TMEM248: variants seen among roughly 807,000 people sequenced by gnomAD.
The protein encoded by TMEM248 is UPF0458 protein C7orf42.
TMEM248 carries 9 observed loss-of-function variants against 30.3 expected under a neutral mutation model. The ratio of observed to expected loss-of-function variants is 0.30; its 90% CI spans 0.18 to 0.52. TMEM248 has a LOEUF of 0.52. Among genes scored for constraint, TMEM248 ranks in the 20% least tolerant of loss-of-function variants. TMEM248 has a pLI of 0.97. For missense variants in TMEM248, 338 were observed against 403.3 expected, an observed-to-expected ratio of 0.84 and a Z score of 1.39; for synonymous variants, 184 against 154.4, an observed-to-expected ratio of 1.19 and a Z score of -1.42.
intron 5 of TMEM248, among the ~76,000 whole-genome samples, chr7:66,952,614 T>C (rs1205661916): frequency 6.6e-6 from 1 of 152,204 alleles, no homozygotes. Flanking sequence ...GGTAAAGGAA[T>C]GGAACCATGT....
intron 1 of TMEM248, among the ~76,000 whole-genome samples, chr7:66,929,712 C>T (rs959650579): frequency 6.6e-6 from 1 of 152,020 alleles, no homozygotes; most frequent in Non-Finnish European, 1.5e-5. Flanking sequence ...GGCATTACAT[C>T]TGTGAGCACC....
intron 1 of TMEM248, among the ~76,000 whole-genome samples, chr7:66,931,873 C>T (rs1584399280): frequency 7.3e-6 from 1 of 137,666 alleles, no homozygotes; most frequent in East Asian, 2.2e-4. Flanking sequence ...GGTGCTATCT[C>T]GGCTCACTGC....
chr7:66,939,265 A>G (rs1028715328), intron 1 of TMEM248, among the ~76,000 whole-genome samples: 10 of 152,228 alleles, frequency 6.6e-5, no homozygotes, highest in Non-Finnish European at 1.3e-4. Flanking sequence ...GTTGTACTAC[A>G]GCCACTCTTG....
At chr7:66,924,027 G>A (rs1791458588) in intron 1 of TMEM248, among the ~76,000 whole-genome samples, 1 of 152,212 alleles carries the variant, frequency 6.6e-6, no homozygotes, top group Non-Finnish European at 1.5e-5. Flanking sequence ...GAGGCCGTTG[G>A]CATAAAACAA....
At chr7:66,924,264 T>C (rs1309475587) in intron 1 of TMEM248, among the ~76,000 whole-genome samples, 1 of 152,226 alleles carries the variant, frequency 6.6e-6, no homozygotes, top group Non-Finnish European at 1.5e-5. Flanking sequence ...ATCTGGTCCA[T>C]GTCACAGAGA....
chr7:66,950,149 A>T (rs1589887), intron 4 of TMEM248, among the ~76,000 whole-genome samples: 24,174 of 151,466 alleles, frequency 0.16, 2,305 homozygotes, highest in East Asian at 0.29. Context: ...TCAGTTCAAC[A>T]TGGGAGGTGG....
At chr7:66,922,687 A>G (rs1373118644) in intron 1 of TMEM248, among the ~76,000 whole-genome samples, 1 of 149,794 alleles carries the variant, frequency 6.7e-6, no homozygotes, top group Admixed American at 6.7e-5. Flanking sequence ...CATCTGTGGC[A>G]AGGAGGAAAG....
intron 1 of TMEM248, among the ~76,000 whole-genome samples, chr7:66,927,364 G>A (rs899378520): frequency 2.6e-5 from 4 of 151,932 alleles, no homozygotes; most frequent in African/African-American, 9.7e-5. Context: ...TTGTCTTTAT[G>A]AGACTACTGA....
Position 66,937,612 on chromosome 7 carries a change from A to G in TMEM248, c.-18-4236A>G, listed in dbSNP as rs536282491. 7.9e-5 allele frequency among the ~76,000 whole-genome samples: 12 copies of G among 152,240 alleles called. No individual in the cohort carries two copies. In the South Asian group the frequency reaches 2.1e-3, roughly 26 times the overall value. On this transcript the variant is annotated intron_variant, in intron 1 of 6. Coordinates refer to ENST00000341567, the MANE Select transcript of TMEM248 (RefSeq NM_017994.5). ...CGTTTGACCTTCTTTGTCTCTTTTT[A>G]TAGTTCTTGTCTTGAAATCTATTTA... is the stretch of plus-strand genomic sequence containing the variant.
chr7:66,930,450 G>A (rs967304385), intron 1 of TMEM248, among the ~76,000 whole-genome samples: 5 of 152,280 alleles, frequency 3.3e-5, no homozygotes, highest in East Asian at 1.9e-4. Context: ...AAGAAAACCC[G>A]GAGTGGAAAC....
At chr7:66,938,082 C>T (rs1584404205) in intron 1 of TMEM248, among the ~76,000 whole-genome samples, 2 of 152,138 alleles carry the variant, frequency 1.3e-5, no homozygotes, top group Admixed American at 6.6e-5. Flanking sequence ...TTCTTGTAGG[C>T]AACACATCGT....
intron 1 of TMEM248, among the ~76,000 whole-genome samples, chr7:66,929,695 A>G (rs1429477620): frequency 6.6e-6 from 1 of 152,008 alleles, no homozygotes; most frequent in African/African-American, 2.4e-5. Context: ...CGGCCTCCCA[A>G]AATGCTGGCA....
At chr7:66,938,174 A>G (rs915102719) in intron 1 of TMEM248, among the ~76,000 whole-genome samples, 1 of 152,058 alleles carries the variant, frequency 6.6e-6, no homozygotes. Flanking sequence ...GTTGTTACTG[A>G]TAAGTAAGGA....
chr7:66,926,655 GAAAA>G (rs1791533410), intron 1 of TMEM248, among the ~76,000 whole-genome samples: 1 of 142,936 alleles, frequency 7.0e-6, no homozygotes, highest in Non-Finnish European at 1.5e-5. Flanking sequence ...AAAAAAAAAA[GAAAA>G]GAAAGAAAAA....
At chr7:66,936,979 T>C (rs1393060273) in intron 1 of TMEM248, among the ~76,000 whole-genome samples, 1 of 152,180 alleles carries the variant, frequency 6.6e-6, no homozygotes, top group Non-Finnish European at 1.5e-5. Context: ...TTTGCTCTTG[T>C]TTTTCTAATT....
intron 4 of TMEM248, among the ~76,000 whole-genome samples, chr7:66,950,267 G>A (rs1294675771): frequency 6.6e-6 from 1 of 151,856 alleles, no homozygotes; most frequent in African/African-American, 2.4e-5. Flanking sequence ...CCCAAATCTC[G>A]TTTTGAATTG....
intron 1 of TMEM248, among the ~76,000 whole-genome samples, chr7:66,936,039 T>A (rs574729919): frequency 6.6e-6 from 1 of 152,374 alleles, no homozygotes; most frequent in Admixed American, 6.5e-5. Flanking sequence ...CCTTTCCAGT[T>A]TGGATGCCCT....
chr7:66,942,678 T>C (rs894702190), intron 2 of TMEM248, among the ~76,000 whole-genome samples: 1 of 152,082 alleles, frequency 6.6e-6, no homozygotes, highest in African/African-American at 2.4e-5. Context: ...GTCTTTTTAG[T>C]AGAGACGGGG....
At chr7:66,944,436 G>A (rs554411878) in intron 2 of TMEM248, among the ~76,000 whole-genome samples, 1 of 152,228 alleles carries the variant, frequency 6.6e-6, no homozygotes, top group East Asian at 1.9e-4. Context: ...CTGCTCTAAG[G>A]TGTCATCAAA....
Sources: allele counts gnomAD v4.1 joint callset (sites outside exome capture counted in the v4.1 genomes callset), GRCh38; gene constraint gnomAD v4.1.1; transcripts MANE v1.5; gene names NCBI Gene and HGNC (gene_info 2026-07-23, HGNC 2026-07-21).